The following GRIP1 variants were observed in gnomAD, a reference collection of about 807,000 sequenced individuals.
GRIP1 encodes the protein glutamate receptor-interacting protein 1.
Under a neutral mutation model 129.9 loss-of-function variants are expected in GRIP1, and 45 were observed. That is an observed-to-expected ratio of 0.35 (90% confidence interval 0.27 to 0.44). GRIP1 has a LOEUF of 0.44. GRIP1 is among the 20% of genes least tolerant of loss of function. GRIP1 has a pLI of 1.00. For synonymous variants in GRIP1, 530 were observed against 520.8 expected, an observed-to-expected ratio of 1.02 and a Z score of -0.24; for missense variants, 1,196 against 1,396.8, an observed-to-expected ratio of 0.86 and a Z score of 2.29.
chr12:66,904,989 G>A (rs1448380062), intron 1 of GRIP1, among the ~76,000 whole-genome samples: 2 of 152,100 alleles, frequency 1.3e-5, no homozygotes, highest in African/African-American at 2.4e-5. Flanking sequence ...ATGGTGCTGC[G>A]GTGTCCTCAA....
chr12:67,022,902 T>A (rs993405866), intron 1 of GRIP1, among the ~76,000 whole-genome samples: 2 of 152,154 alleles, frequency 1.3e-5, no homozygotes, highest in African/African-American at 4.8e-5. Context: ...GTTGTTCCCA[T>A]GTTTATGCTT....
At chr12:66,817,881 A>G (rs2039251976) in intron 1 of GRIP1, among the ~76,000 whole-genome samples, 1 of 152,222 alleles carries the variant, frequency 6.6e-6, no homozygotes, top group Non-Finnish European at 1.5e-5. Context: ...GTAGCTTAAT[A>G]GGAAGAAGCT....
At chr12:66,715,452 A>ATGTGTGTG (rs36142878) in intron 1 of GRIP1, among the ~76,000 whole-genome samples, 8,841 of 71,518 alleles carry the variant, frequency 0.12, 655 homozygotes, top group Middle Eastern at 0.2. Context: ...TTGTAGCTTG[A>ATGTGTGTG]TGTGTGTGTG....
chr12:67,054,165 A>T (rs561852387), intron 1 of GRIP1, among the ~76,000 whole-genome samples: 1 of 152,394 alleles, frequency 6.6e-6, no homozygotes, highest in African/African-American at 2.4e-5. Context: ...TTAAAGCTCA[A>T]ATGTAAACCC....
chr12:66,732,767 C>A (rs1190210020), intron 1 of GRIP1, among the ~76,000 whole-genome samples: 1 of 152,046 alleles, frequency 6.6e-6, no homozygotes, highest in African/African-American at 2.4e-5. Flanking sequence ...AGGCTATTAG[C>A]AGTTAAGTTT....
At chr12:66,565,936 G>A (rs1198512808) in intron 2 of GRIP1, among the ~76,000 whole-genome samples, 4 of 152,160 alleles carry the variant, frequency 2.6e-5, no homozygotes, top group Admixed American at 1.3e-4. Context: ...TGTTACTGGT[G>A]TATAGGAATG....
chr12:66,953,206 A>C (rs2041787311), intron 1 of GRIP1, among the ~76,000 whole-genome samples: 1 of 152,202 alleles, frequency 6.6e-6, no homozygotes. Flanking sequence ...ACCATTTGTC[A>C]CAAGTGTGAA....
chr12:66,788,700 T>C (rs2038436311), intron 1 of GRIP1, among the ~76,000 whole-genome samples: 1 of 152,076 alleles, frequency 6.6e-6, no homozygotes, highest in Non-Finnish European at 1.5e-5. Context: ...AAAACTGGTA[T>C]CTCCATACAA....
In GRIP1 at chr12:66,479,105, G is replaced by GAA. The variant is rs35639519; in HGVS notation, c.725-13685_725-13684dup. ...GCCCTAAAATGTGAGAGATAAAACA[G>GAA]AAAAAAAAATCAATGAATCCAGGAG... On this transcript the variant is annotated intron_variant, in intron 7 of 24. Transcript: ENST00000359742. 5.5e-4 allele frequency among the ~76,000 whole-genome samples: 82 copies of GAA among 149,554 alleles called. 1 individual carries two copies. Among genetic ancestry groups the GAA allele is most frequent in the Admixed American group, 3.2e-3 (48 of 15,086 alleles).
At chr12:66,854,253 A>C (rs1237440637) in intron 1 of GRIP1, among the ~76,000 whole-genome samples, 1 of 151,916 alleles carries the variant, frequency 6.6e-6, no homozygotes, top group Non-Finnish European at 1.5e-5. Flanking sequence ...CCAGAGAGGA[A>C]AGGAGTTGCA....
At chr12:66,965,549 TTGTGTGTGTGTGTGTGTGTGTG>T (rs368637185) in intron 1 of GRIP1, among the ~76,000 whole-genome samples, 3 of 128,340 alleles carry the variant, frequency 2.3e-5, no homozygotes, top group African/African-American at 6.2e-5. Context: ...AAAAGAAACA[TTGTGTGTGTGTGTGTGTGTGTG>T]TGTGTGTGTG....
chr12:66,977,045 G>T (rs2042162641), intron 1 of GRIP1, among the ~76,000 whole-genome samples: 1 of 152,088 alleles, frequency 6.6e-6, no homozygotes, highest in Admixed American at 6.6e-5. Flanking sequence ...TTATATGATT[G>T]AAAATACAAT....
At chr12:66,475,935 TA>T (rs945921671) in intron 7 of GRIP1, among the ~76,000 whole-genome samples, 1 of 151,770 alleles carries the variant, frequency 6.6e-6, no homozygotes, top group African/African-American at 2.4e-5. Flanking sequence ...AAATGTGATC[TA>T]AAAAAGATCA....
At chr12:66,908,608 T>C (rs998402924) in intron 1 of GRIP1, among the ~76,000 whole-genome samples, 3 of 152,092 alleles carry the variant, frequency 2.0e-5, no homozygotes, top group African/African-American at 4.8e-5. Flanking sequence ...TGCACAGAGT[T>C]TGTTTATGAG....
At chr12:66,479,047 A>G (rs1321004622) in intron 7 of GRIP1, among the ~76,000 whole-genome samples, 1 of 151,478 alleles carries the variant, frequency 6.6e-6, no homozygotes, top group East Asian at 1.9e-4. Context: ...TATATTAAAA[A>G]AAGAAAAAGA....
intron 1 of GRIP1, among the ~76,000 whole-genome samples, chr12:66,956,997 T>C (rs2041851849): frequency 6.6e-6 from 1 of 152,182 alleles, no homozygotes; most frequent in Admixed American, 6.5e-5. Context: ...CTTCCTCTGA[T>C]AGTAAGAAAC....
intron 19 of GRIP1, among the ~76,000 whole-genome samples, chr12:66,379,934 C>T (rs1714229322): frequency 6.6e-6 from 1 of 152,124 alleles, no homozygotes; most frequent in South Asian, 2.1e-4. Flanking sequence ...GAGATGGAGT[C>T]TTGCTCTGTC....
chr12:66,455,635 G>T, intron 10 of GRIP1, 71 bp from the exon 11 acceptor site: 2 of 1,367,912 alleles, frequency 1.5e-6, no homozygotes, highest in Non-Finnish European at 2.1e-6. Context: ...TTGTCAACCA[G>T]TAACAATCCA....
At chr12:66,983,380 GTTA>G (rs1192568363) in intron 1 of GRIP1, among the ~76,000 whole-genome samples, 1 of 152,028 alleles carries the variant, frequency 6.6e-6, no homozygotes, top group Non-Finnish European at 1.5e-5. Flanking sequence ...ATAAGGTATT[GTTA>G]TTATTATTTT....
Sources: gnomAD v4.1 joint callset for allele counts (sites outside exome capture counted in the v4.1 genomes callset) on GRCh38, gnomAD v4.1.1 for gene constraint, MANE v1.5 for transcripts, NCBI Gene and HGNC (gene_info 2026-07-23, HGNC 2026-07-21) for gene names.